Variants in HRH2 observed in about 807,000 individuals in gnomAD.
The protein encoded by HRH2 is histamine H2 receptor.
A neutral mutation model predicts 20.1 loss-of-function variants in HRH2; 4 were observed. The observed-to-expected ratio is 0.20, with a 90% CI of 0.10 to 0.45. The LOEUF (loss-of-function observed/expected upper bound fraction) is 0.45, where lower values mean the gene tolerates loss of function less well. HRH2 is among the 20% of genes least tolerant of loss of function. The probability of loss-of-function intolerance (pLI) is 0.99; values close to 1 mark genes in which losing one functional copy is unlikely to be tolerated. For synonymous variants in HRH2, 197 were observed against 200.7 expected, an observed-to-expected ratio of 0.98 and a Z score of 0.16; for missense variants, 250 against 461.6, an observed-to-expected ratio of 0.54 and a Z score of 4.20.
intron 2 of HRH2, among the ~76,000 whole-genome samples, chr5:175,700,819 C>T (rs772194922): frequency 1.6e-4 from 24 of 152,136 alleles, no homozygotes; most frequent in African/African-American, 4.6e-4. Flanking sequence ...ACCCGGGAGG[C>T]GAAGGTTGCA....
intron 2 of HRH2, among the ~76,000 whole-genome samples, chr5:175,705,094 A>C (rs1756903586): frequency 6.6e-6 from 1 of 152,200 alleles, no homozygotes; most frequent in African/African-American, 2.4e-5. Context: ...AAAAGACTCA[A>C]TATTATAAAG....
At chr5:175,662,129 G>A (rs1055588344) in intron 1 of HRH2, among the ~76,000 whole-genome samples, 6 of 152,170 alleles carry the variant, frequency 3.9e-5, no homozygotes, top group African/African-American at 1.4e-4. Context: ...GCTTTGATAG[G>A]GGGTGTTTAG....
rs1186036757 is a variant in HRH2 at position 175,709,825 on chromosome 5, A to T, written c.*1854A>T. 2 of 152,150 alleles carry T rather than the reference A, an allele frequency of 1.3e-5. No homozygotes were observed. Among genetic ancestry groups the T allele is most frequent in the Admixed American group, 6.6e-5 (1 of 15,246 alleles). 9.4% of individuals were successfully genotyped at this position (152,150 alleles called of 1,614,324 possible). On this transcript the variant is annotated 3_prime_UTR_variant, in exon 3 of 3. Transcript: ENST00000636584. ...CCAGATGCAACCCAGGTCATGCCAC[A>T]CAGGTAGATAAAACCATCTTCAGCC... is the stretch of plus-strand genomic sequence containing the variant.
intron 2 of HRH2, among the ~76,000 whole-genome samples, chr5:175,706,256 G>A (rs956279200): frequency 3.3e-5 from 5 of 152,124 alleles, no homozygotes; most frequent in African/African-American, 1.2e-4. Flanking sequence ...ATGTATATGT[G>A]TTTTATATAG....
Position 175,681,746 on chromosome 5 carries a change from T to C in HRH2, c.-525-963T>C, listed in dbSNP as rs1368548704. The stretch of plus-strand genomic sequence containing the variant: ...CCGTGAGAGGGTGATGTGGGGATGA[T>C]AGGATAAACCTATTCATGGTGAGCC... On this transcript the variant is annotated intron_variant, in intron 1 of 2. Transcript: ENST00000636584. The surrounding 1 kb of genome is among the most constrained non-coding windows in gnomAD (Gnocchi z 4.3). 6.6e-6 allele frequency among the ~76,000 whole-genome samples: 1 copy of C among 152,186 alleles called. No individual in the cohort carries two copies. The highest frequency in any genetic ancestry group is 1.5e-5 in the Non-Finnish European group (1 of 68,016).
chr5:175,669,814 C>T (rs1054343582), intron 1 of HRH2, among the ~76,000 whole-genome samples: 2 of 152,126 alleles, frequency 1.3e-5, no homozygotes, highest in African/African-American at 2.4e-5. Flanking sequence ...TGCCTTTGTC[C>T]CACGATTATG....
At position 175,677,125 on chromosome 5, in the gene HRH2, G is replaced by C. The variant is rs1755787438; in HGVS notation, c.-525-5584G>C. On this transcript the variant is annotated intron_variant, in intron 1 of 2. Transcript: ENST00000636584. This position sits in a 1 kb window ranked among gnomAD's most constrained non-coding sequence, Gnocchi z 4.2. ...TCTTCCCACCTCGGCCTCCCGAGTA[G>C]CCTGCCCTACAGGCGTGCACAACTA... Among the ~76,000 whole-genome samples, 1 of 152,048 alleles carries C rather than the reference G, an allele frequency of 6.6e-6. No individual in the cohort carries two copies. The highest frequency in any genetic ancestry group is 1.5e-5 in the Non-Finnish European group (1 of 68,008).
chr5:175,667,514 C>T (rs933056457), intron 1 of HRH2, among the ~76,000 whole-genome samples: 38 of 141,194 alleles, frequency 2.7e-4, no homozygotes, highest in African/African-American at 8.5e-4. Flanking sequence ...ATAACCAGTA[C>T]GACCACCCAA....
At chr5:175,701,599 AC>A (rs1189135630) in intron 2 of HRH2, among the ~76,000 whole-genome samples, 3 of 152,160 alleles carry the variant, frequency 2.0e-5, no homozygotes, top group African/African-American at 7.2e-5. Context: ...TACTATTCTA[AC>A]AAAAAGCTCC....
intron 1 of HRH2, among the ~76,000 whole-genome samples, chr5:175,661,739 A>G (rs1376761056): frequency 1.3e-5 from 2 of 152,200 alleles, no homozygotes; most frequent in African/African-American, 4.8e-5. Context: ...ATGCCATCTC[A>G]GGCTGGACAC....
chr5:175,682,905 G>A lies in HRH2; in HGVS notation c.-329G>A, dbSNP rs570484549. ...GGAAGCGGAGACCTACCCCAGCCCC[G>A]GGAGGAAGCTAGCTCTTCAGGGGAC... is the stretch of plus-strand genomic sequence containing the variant. On this transcript the variant is annotated 5_prime_UTR_variant, in exon 2 of 3. Transcript: ENST00000636584. 70 of 276,806 alleles carry A rather than the reference G, an allele frequency of 2.5e-4. No individual in the cohort carries two copies. The highest frequency in any genetic ancestry group is 1.5e-3 in the African/African-American group (67 of 45,396). The allele number at this position is 276,806 out of a possible 1,614,324, so 17.1% of individuals were successfully genotyped here.
chr5:175,702,718 A>ATTTTTTTTTTT (rs778509797), intron 2 of HRH2, among the ~76,000 whole-genome samples: 2 of 139,752 alleles, frequency 1.4e-5, no homozygotes, highest in African/African-American at 5.8e-5. Flanking sequence ...CGCCTGGCTA[A>ATTTTTTTTTTT]TTTTTTCTTT....
At chr5:175,671,014 A>C (rs1269773651) in intron 1 of HRH2, among the ~76,000 whole-genome samples, 2 of 152,238 alleles carry the variant, frequency 1.3e-5, no homozygotes, top group African/African-American at 2.4e-5. Flanking sequence ...GGTTAATAAC[A>C]AGGTATGCTA....
intron 1 of HRH2, 143 bp from the exon 2 acceptor site, chr5:175,682,566 C>T (rs1006514838): frequency 6.6e-6 from 1 of 152,518 alleles, no homozygotes; most frequent in East Asian, 1.9e-4. Context: ...CCAAGTCCCT[C>T]CCAAAAAGAG....
intron 1 of HRH2, among the ~76,000 whole-genome samples, chr5:175,658,506 G>T (rs1170326068): frequency 6.6e-6 from 1 of 152,216 alleles, no homozygotes; most frequent in East Asian, 1.9e-4. Context: ...GGTGGATTTG[G>T]AAAGTGCACT....
chr5:175,690,788 G>A (rs930311793), intron 2 of HRH2, among the ~76,000 whole-genome samples: 5 of 152,164 alleles, frequency 3.3e-5, no homozygotes, highest in Middle Eastern at 3.4e-3. Context: ...CCTTCACACC[G>A]AGGTGGCCAC....
In HRH2 at chr5:175,687,525, A is replaced by AC. The variant is rs768322659; in HGVS notation, c.1076+3220dup. On this transcript the variant is annotated intron_variant, in intron 2 of 2. Coordinates refer to ENST00000636584, the MANE Select transcript of HRH2 (RefSeq NM_001367711.1). This position sits in a 1 kb window ranked among gnomAD's most constrained non-coding sequence, Gnocchi z 5.2. ...CCTTCCCTGTGGCCAACCAGCAGCCACCCCACAATGTTCCTGCCCAGCCTC... is the reference window on the plus strand; with the variant it reads ...CCTTCCCTGTGGCCAACCAGCAGCCACCCCCACAATGTTCCTGCCCAGCCTC... Among the ~76,000 whole-genome samples, 4 of 151,928 alleles carry AC rather than the reference A, an allele frequency of 2.6e-5. No homozygotes were observed. The highest frequency in any genetic ancestry group is 9.7e-5 in the African/African-American group (4 of 41,364).
intron 2 of HRH2, among the ~76,000 whole-genome samples, chr5:175,688,874 C>T (rs73806115): frequency 0.012 from 1,776 of 152,274 alleles, 36 homozygotes; most frequent in African/African-American, 0.041. Flanking sequence ...GCCCTTTCCC[C>T]ACCCATTCTC....
chr5:175,675,976 G>A (rs1458613351), intron 1 of HRH2, among the ~76,000 whole-genome samples: 1 of 152,216 alleles, frequency 6.6e-6, no homozygotes. Flanking sequence ...TCCTTGACCA[G>A]TGTTAACATG....
Sources: gnomAD v4.1 joint callset for allele counts (sites outside exome capture counted in the v4.1 genomes callset) on GRCh38, gnomAD v4.1.1 for gene constraint, Gnocchi (gnomAD v3.1) non-coding constraint, MANE v1.5 for transcripts, NCBI Gene and HGNC (gene_info 2026-07-23, HGNC 2026-07-21) for gene names.